Variants in COL3A1 observed in about 807,000 individuals in gnomAD.
The protein encoded by COL3A1 is collagen alpha-1(III) chain.
In COL3A1, 46 loss-of-function variants were observed where a neutral mutation model predicts 200.9. The ratio of observed to expected loss-of-function variants is 0.23; its 90% CI spans 0.18 to 0.29. The LOEUF is 0.29. Among genes scored for constraint, COL3A1 ranks in the 10% least tolerant of loss-of-function variants. The pLI, the probability that COL3A1 is intolerant of heterozygous loss-of-function variation, is 1.00. For missense variants in COL3A1, 1,367 were observed against 1,917.6 expected (o/e 0.71, Z 5.36); for synonymous variants, 650 against 628.0 (o/e 1.03, Z -0.52).
intron 1 of COL3A1, among the ~76,000 whole-genome samples, chr2:188,976,831 A>G (rs1687829122): frequency 6.6e-6 from 1 of 152,236 alleles, no homozygotes; most frequent in Admixed American, 6.5e-5. Context: ...GATTATAAAC[A>G]TGCCAAGTTT....
At chr2:189,010,074 C>A in intron 48 of COL3A1, 104 bp from the exon 49 acceptor site, 1 of 1,058,540 alleles carries the variant, frequency 9.4e-7, no homozygotes, top group Non-Finnish European at 1.4e-6. Context: ...AAAATGCAGA[C>A]ACATTAGCAG....
At chr2:189,002,448 A>C in intron 35 of COL3A1, 97 bp downstream of exon 35, 25 of 1,044,026 alleles carry the variant, frequency 2.4e-5, no homozygotes, top group Non-Finnish European at 3.4e-5. Flanking sequence ...TTCTAGTCTC[A>C]TTTTAGCTGC....
Position 188,974,422 on chromosome 2 carries a change from T to A in COL3A1, c.-68T>A, listed in dbSNP as rs1283974012. 1.7e-6 allele frequency: 2 copies of A among 1,194,572 alleles called. No homozygotes were observed. Among genetic ancestry groups the A allele is most frequent in the Non-Finnish European group, 2.5e-6 (2 of 806,744 alleles). The allele number at this position is 1,194,572 out of a possible 1,614,324, so 74.0% of individuals were successfully genotyped here. A position where few individuals can be genotyped will look rare whatever the true frequency, so the allele number is the denominator to read the frequency against. On this transcript the variant is annotated 5_prime_UTR_variant, in exon 1 of 51. An upstream start codon of the reference 5' UTR is lost. Transcript: ENST00000304636. ...TGCTGAAGGGCAGGGAACAACTTGA[T>A]GGTGCTACTTTGAACTGCTTTTCTT...
intron 1 of COL3A1, 51 bp from the exon 2 acceptor site, chr2:188,984,709 A>C (rs776959475): frequency 1.3e-6 from 2 of 1,547,542 alleles, no homozygotes; most frequent in Non-Finnish European, 1.8e-6. Flanking sequence ...AACAAAAATC[A>C]CCTTTCAGCA....
rs779197532 is a variant in COL3A1, at chr2:189,010,237, A to C, written c.3883A>C (p.Asn1295His). Residue 1295 changes from asparagine to histidine, a missense_variant, in exon 49 of 51, where the codon AAT becomes CAT. By Grantham distance (68) the Asn-to-His change is moderately conservative (BLOSUM62 1). Around this residue, in one of 5 missense-constraint regions of COL3A1, gnomAD observed 846 missense variants for 1,147.9 expected, o/e 0.74. Coordinates refer to ENST00000304636, the MANE Select transcript of COL3A1 (RefSeq NM_000090.4). The part of the protein sequence containing the change: ...CKLDAIKVFC[N>H]METGETCISA... ...ATTGGATGCTATCAAGGTATTCTGT[A>C]ATATGGAAACTGGGGAAACATGCAT... 1 of 1,614,046 alleles carries C rather than the reference A, an allele frequency of 6.2e-7. No homozygotes were observed. Among genetic ancestry groups the C allele is most frequent in the African/African-American group, 1.3e-5 (1 of 74,930 alleles).
intron 36 of COL3A1, 49 bp from the exon 37 acceptor site, chr2:189,003,362 A>C: frequency 6.4e-7 from 1 of 1,560,068 alleles, no homozygotes; most frequent in Non-Finnish European, 8.8e-7. Flanking sequence ...CTTTTCCCAA[A>C]TTTTGATTTT....
intron 1 of COL3A1, among the ~76,000 whole-genome samples, chr2:188,980,893 T>G (rs1687938390): frequency 6.6e-6 from 1 of 151,358 alleles, no homozygotes; most frequent in African/African-American, 2.4e-5. Context: ...ATGAAAATAA[T>G]TATGATAATT....
chr2:188,982,960 C>A lies in COL3A1; in HGVS notation c.80-1800C>A, dbSNP rs1013694742. On this transcript the variant is annotated intron_variant, in intron 1 of 50. Transcript: ENST00000304636. ...AAATGAGTTTAATGCATAGACTCAC[C>A]TGTTATTACTCTTCACACCAATGTG... Among the ~76,000 whole-genome samples, 9 of 151,642 alleles carry A rather than the reference C, an allele frequency of 5.9e-5. No homozygotes were observed. The East Asian group carries it at 1.6e-3, about 26-fold the overall frequency.
intron 40 of COL3A1, among the ~76,000 whole-genome samples, chr2:189,004,697 T>A (rs958186853): frequency 2.6e-5 from 4 of 152,190 alleles, no homozygotes; most frequent in African/African-American, 9.6e-5. Flanking sequence ...TGTTAGCTTA[T>A]AGATCTTGGA....
At position 189,009,610 on chromosome 2, in the gene COL3A1, G is replaced by T. The variant is rs551528629; in HGVS notation, c.3823+389G>T. Among the ~76,000 whole-genome samples the T allele has an allele frequency of 6.6e-5, 10 of 152,130 alleles. No individual in the cohort carries two copies. The South Asian group carries it at 2.1e-3, about 32-fold the overall frequency. On this transcript the variant is annotated intron_variant, in intron 48 of 50. Transcript: ENST00000304636. The stretch of plus-strand genomic sequence containing the variant: ...TTATTAAAATTTTCAAATTAAACAA[G>T]TGAAAAATTTCAGAATACTGTATAA...
At position 188,999,912 on chromosome 2, in the gene COL3A1, A is replaced by G; in HGVS notation, c.2283+17A>G. On this transcript the variant is annotated intron_variant, in intron 32 of 50. Coordinates refer to ENST00000304636, the MANE Select transcript of COL3A1 (RefSeq NM_000090.4). The stretch of plus-strand genomic sequence containing the variant: ...GGCCCAAGGGTGAGTATTCCCAGTG[A>G]GGAGAAGCAGGCCTTATCTATATGT... 1 of 1,578,510 alleles carries G rather than the reference A, an allele frequency of 6.3e-7. No individual in the cohort carries two copies.
rs1688242652 is a variant in COL3A1 at position 188,994,009 on chromosome 2, A to C, written c.1150-29A>C. 2.5e-6 allele frequency: 4 copies of C among 1,602,288 alleles called. No homozygotes were observed. On this transcript the variant is annotated intron_variant, in intron 16 of 50. Transcript: ENST00000304636. The surrounding 1 kb of genome is among the most constrained non-coding windows in gnomAD (Gnocchi z 4.5). ...TATACGAACTATTTGCATTACTATT[A>C]ATACATTATCTGTTTTTTGTATACT...
At chr2:188,995,628 T>G (rs1363778596) in intron 21 of COL3A1, 64 bp from the exon 22 acceptor site, 2 of 1,130,344 alleles carry the variant, frequency 1.8e-6, no homozygotes, top group African/African-American at 1.6e-5. Flanking sequence ...GTAACCAAAA[T>G]ATTGTTGCTA....
At chr2:188,975,800 C>G (rs891367112) in intron 1 of COL3A1, among the ~76,000 whole-genome samples, 1 of 151,430 alleles carries the variant, frequency 6.6e-6, no homozygotes, top group Non-Finnish European at 1.5e-5. Flanking sequence ...TCCTCCTTAC[C>G]CCTCCTCTCC....
At chr2:188,992,354 A>G (rs181574195) in intron 14 of COL3A1, 126 bp downstream of exon 14, 1 of 813,814 alleles carries the variant, frequency 1.2e-6, no homozygotes, top group East Asian at 2.7e-5. Flanking sequence ...TCTCTAATAT[A>G]CACATTAGCA....
rs753526966 is a variant in COL3A1, at chr2:188,998,662, C to T, written c.1978-12C>T. 2.5e-6 allele frequency: 4 copies of T among 1,613,142 alleles called. No individual in the cohort carries two copies. The highest frequency in any genetic ancestry group is 1.3e-5 in the African/African-American group (1 of 74,874). On this transcript the variant is annotated splice_polypyrimidine_tract_variant and intron_variant, in intron 28 of 50. Coordinates refer to ENST00000304636, the MANE Select transcript of COL3A1 (RefSeq NM_000090.4). ...CTGATATGGGCCTAATCATATAATGCCAATCTCCCAGGGTCCAAAGGGTGA... is the reference window on the plus strand; with the variant it reads ...CTGATATGGGCCTAATCATATAATGTCAATCTCCCAGGGTCCAAAGGGTGA...
rs41272797 is a variant in COL3A1 at position 188,988,083 on chromosome 2, C to A, written c.531C>A (p.Gly177=). The change falls in exon 6 of 51, where the codon GGC becomes GGA. Residue 177 remains glycine, a splice_region_variant and synonymous_variant. Coordinates refer to ENST00000304636, the MANE Select transcript of COL3A1 (RefSeq NM_000090.4). ...TTTCATTCAAATTCACATTCCAGGG[C>A]CCCCCAGGCCCTCCCGGTCCCCCTG... ...GGLAGYPGPA[G]PPGPPGPPGT... is the part of the protein sequence containing the mutation. 6.2e-6 allele frequency: 10 copies of A among 1,608,308 alleles called. No homozygotes were observed. The Admixed American group carries it at 1.3e-4, about 21-fold the overall frequency.
At chr2:188,992,320 GGT>G in intron 14 of COL3A1, 92 bp downstream of exon 14, 1 of 1,040,242 alleles carries the variant, frequency 9.6e-7, no homozygotes, top group Non-Finnish European at 1.5e-6. Context: ...TATACTCTTA[GGT>G]ATATATATAT....
chr2:189,003,053 T>C lies in COL3A1; in HGVS notation c.2544T>C (p.Ser848=), dbSNP rs1410962173. 6.4e-7 allele frequency: 1 copy of C among 1,550,586 alleles called. No individual in the cohort carries two copies. Among genetic ancestry groups the C allele is most frequent in the Non-Finnish European group, 8.7e-7 (1 of 1,146,202 alleles). ...PPGVAGPPGG[S]GPAGPPGPQG... is the part of the protein sequence containing the mutation. Reference sequence around the variant, plus strand: ...GAGTTGCAGGACCCCCTGGAGGTTCTGGACCTGCTGTAAGTTCCTTCCTCT... The same window carrying C: ...GAGTTGCAGGACCCCCTGGAGGTTCCGGACCTGCTGTAAGTTCCTTCCTCT... The change falls in exon 36 of 51, where the codon TCT becomes TCC. Residue 848 remains serine (S), a synonymous_variant. Transcript: ENST00000304636.
Sources: allele counts gnomAD v4.1 joint callset (sites outside exome capture counted in the v4.1 genomes callset), GRCh38; gene constraint gnomAD v4.1.1; regional missense constraint gnomAD v4.1.1; non-coding constraint Gnocchi (gnomAD v3.1); transcripts MANE v1.5; gene names NCBI Gene and HGNC (gene_info 2026-07-23, HGNC 2026-07-21).